RYR3: variants seen among roughly 807,000 people sequenced by gnomAD.
The protein encoded by RYR3 is ryanodine receptor 3, also known as brain ryanodine receptor-calcium release channel.
In RYR3, 207 loss-of-function variants were observed where a neutral mutation model predicts 584.3. The observed-to-expected ratio is 0.35, with a 90% confidence interval of 0.32 to 0.40. The LOEUF is 0.40. RYR3 is among the 10% of genes least tolerant of loss of function. RYR3 has a pLI of 1.00. For missense variants in RYR3, 5,616 were observed against 6,089.2 expected, an observed-to-expected ratio of 0.92 and a Z score of 2.59; for synonymous variants, 2,416 against 2,248.5, an observed-to-expected ratio of 1.07 and a Z score of -2.11.
At chr15:33,450,527 C>T (rs1441358859) in intron 1 of RYR3, among the ~76,000 whole-genome samples, 1 of 152,016 alleles carries the variant, frequency 6.6e-6, no homozygotes, top group Non-Finnish European at 1.5e-5. Context: ...CTGTTTGGAG[C>T]AGAGTGACGT....
At chr15:33,832,091 C>T (rs571851559) in intron 86 of RYR3, among the ~76,000 whole-genome samples, 2 of 151,944 alleles carry the variant, frequency 1.3e-5, no homozygotes, top group East Asian at 3.9e-4. Context: ...CTCAGGAGTT[C>T]GAGACCAACC....
chr15:33,507,602 C>T (rs1044510982), intron 3 of RYR3, among the ~76,000 whole-genome samples: 3 of 152,296 alleles, frequency 2.0e-5, no homozygotes, highest in Middle Eastern at 3.4e-3. Flanking sequence ...GTCTACCAAC[C>T]TTCAGCAGGA....
chr15:33,810,841 C>A, intron 71 of RYR3, 137 bp from the exon 72 acceptor site: 1 of 1,078,372 alleles, frequency 9.3e-7, no homozygotes, highest in Non-Finnish European at 1.4e-6. Context: ...TGGGACAAAT[C>A]TCCGGAATAT....
chr15:33,513,048 A>G (rs76900257), intron 3 of RYR3, among the ~76,000 whole-genome samples: 3,525 of 152,328 alleles, frequency 0.023, 50 homozygotes, highest in Non-Finnish European at 0.036. Flanking sequence ...ATTGTACAAT[A>G]TTTGAATTTT....
In RYR3 at chr15:33,550,468, TTTGAA is replaced by T. The variant is rs371444921; in HGVS notation, c.972+157_972+161del. Among the ~76,000 whole-genome samples the T allele has an allele frequency of 3.9e-3, 592 of 152,346 alleles. 5 individuals carry two copies. Among genetic ancestry groups the T allele is most frequent in the African/African-American group, 0.014 (563 of 41,574 alleles). On this transcript the variant is annotated intron_variant, in intron 10 of 103. Coordinates refer to ENST00000634891, the MANE Select transcript of RYR3 (RefSeq NM_001036.6). ...AGATAAACACTTTCTTCTTTTATCT[TTTGAA>T]TTGAGTTCATGGAGGAATATGTACC...
At chr15:33,516,045 A>C (rs1216533185) in intron 3 of RYR3, among the ~76,000 whole-genome samples, 2 of 152,146 alleles carry the variant, frequency 1.3e-5, no homozygotes, top group Non-Finnish European at 2.9e-5. Flanking sequence ...ACTAAGATAA[A>C]ATTCTAACAA....
rs547886447 is a variant in RYR3, at chr15:33,447,252, C to G, written c.52-26167C>G. 1.4e-4 allele frequency among the ~76,000 whole-genome samples: 21 copies of G among 152,228 alleles called. No homozygotes were observed. In the East Asian group the frequency reaches 4.1e-3, roughly 29 times the overall value. On this transcript the variant is annotated intron_variant, in intron 1 of 103. Transcript: ENST00000634891. The stretch of plus-strand genomic sequence containing the variant: ...AACTTGGTATTCATGATGATAAATT[C>G]CTGTACTCTAATTACCTTCACACAG...
chr15:33,636,564 C>A lies in RYR3; in HGVS notation c.3556+14C>A, dbSNP rs1333872111. The A allele has an allele frequency of 6.4e-7, 1 of 1,559,300 alleles. No homozygotes were observed. The highest frequency in any genetic ancestry group is 8.7e-7 in the Non-Finnish European group (1 of 1,155,558). On this transcript the variant is annotated intron_variant, in intron 27 of 103. Coordinates refer to ENST00000634891, the MANE Select transcript of RYR3 (RefSeq NM_001036.6). ...AGATTGAGAATGGTAAATCTAACAC[C>A]CTCTGCCAACCCCAGCTCCATGAGG...
rs899131965 is a variant in RYR3, at chr15:33,807,817, T to C, written c.10026+248T>C. 8 of 548,650 alleles carry C rather than the reference T, an allele frequency of 1.5e-5. No homozygotes were observed. In the Admixed American group the frequency reaches 1.9e-4, roughly 13 times the overall value. 34.0% of individuals were successfully genotyped at this position (548,650 alleles called of 1,614,324 possible). A position where few individuals can be genotyped will look rare whatever the true frequency, so the allele number is the denominator to read the frequency against. On this transcript the variant is annotated intron_variant, in intron 70 of 103. Coordinates refer to ENST00000634891, the MANE Select transcript of RYR3 (RefSeq NM_001036.6). ...CTAACCGAGGTCTCCTTGCTATCTC[T>C]GCTCCCTTCTCCAGCTGCCCTCTCG...
intron 2 of RYR3, among the ~76,000 whole-genome samples, chr15:33,492,998 G>C (rs899149277): frequency 1.3e-5 from 2 of 152,170 alleles, no homozygotes; most frequent in Non-Finnish European, 2.9e-5. Flanking sequence ...TCCAGAGGGA[G>C]GAGGGTGTAA....
At chr15:33,765,632 C>CAAAAAGAA (rs2072972359) in intron 60 of RYR3, among the ~76,000 whole-genome samples, 1 of 60,952 alleles carries the variant, frequency 1.6e-5, no homozygotes, top group African/African-American at 5.3e-5. Flanking sequence ...GACTCCGTCT[C>CAAAAAGAA]AAAAAAAAAA....
At position 33,865,159 on chromosome 15, in the gene RYR3, A is replaced by G. The variant is rs1311596943; in HGVS notation, c.14546A>G (p.Glu4849Gly). ...TCTTATGTCTGGAAGATGTACCAAG[A>G]AAGGTGTTGGGATTTCTTCCCAGCC... is the stretch of plus-strand genomic sequence containing the variant. ...QESYVWKMYQ[E>G]RCWDFFPAGD... Residue 4849 changes from glutamate (E) to glycine (G), a missense_variant, in exon 104 of 104, where the codon GAA becomes GGA. Glu to Gly is a moderately conservative substitution (Grantham distance 98). Coordinates refer to ENST00000634891, the MANE Select transcript of RYR3 (RefSeq NM_001036.6). 1.9e-6 allele frequency: 3 copies of G among 1,613,628 alleles called. No individual in the cohort carries two copies. The highest frequency in any genetic ancestry group is 1.7e-6 in the Non-Finnish European group (2 of 1,179,740).
intron 10 of RYR3, among the ~76,000 whole-genome samples, chr15:33,550,535 G>A (rs1567513185): frequency 6.6e-6 from 1 of 152,222 alleles, no homozygotes; most frequent in African/African-American, 2.4e-5. Flanking sequence ...AAAGGAGAGT[G>A]TGGAAAGTCC....
At chr15:33,676,844 A>T (rs572035899) in intron 38 of RYR3, among the ~76,000 whole-genome samples, 10 of 152,336 alleles carry the variant, frequency 6.6e-5, no homozygotes, top group African/African-American at 2.4e-4. Context: ...ATCGATGCTT[A>T]AAAAGTATTC....
intron 1 of RYR3, among the ~76,000 whole-genome samples, chr15:33,438,870 T>G (rs935002578): frequency 2.0e-5 from 3 of 152,164 alleles, no homozygotes; most frequent in African/African-American, 7.2e-5. Context: ...AAAACAGTAA[T>G]CTACACTTTA....
intron 77 of RYR3, among the ~76,000 whole-genome samples, chr15:33,820,056 C>G (rs2077030815): frequency 6.6e-6 from 1 of 152,182 alleles, no homozygotes. Context: ...ATTTCTAAAG[C>G]CAGCTAAATG....
At chr15:33,800,361 A>C (rs1379167783) in intron 67 of RYR3, among the ~76,000 whole-genome samples, 3 of 152,212 alleles carry the variant, frequency 2.0e-5, no homozygotes, top group African/African-American at 7.2e-5. Flanking sequence ...TAGATGTCTT[A>C]GTGACCAAGA....
chr15:33,830,766 C>G (rs778464239), intron 85 of RYR3, 197 bp from the exon 86 acceptor site: 6 of 465,432 alleles, frequency 1.3e-5, no homozygotes, highest in Non-Finnish European at 7.5e-6. Flanking sequence ...CCTATCTATT[C>G]TTTCCTCTGC....
In RYR3 at chr15:33,376,226, CT is replaced by C. The variant is rs1302675252; in HGVS notation, c.51+65136del. 2.0e-5 allele frequency among the ~76,000 whole-genome samples: 3 copies of C among 152,146 alleles called. No homozygotes were observed. In the East Asian group the frequency reaches 5.8e-4, roughly 29 times the overall value. ...TATAGATGGATTAGTACCATATATA[CT>C]TTTTTGTGTCTGGCTTCTTTCCCTC... On this transcript the variant is annotated intron_variant, in intron 1 of 103. Coordinates refer to ENST00000634891, the MANE Select transcript of RYR3 (RefSeq NM_001036.6).
Sources: allele counts gnomAD v4.1 joint callset (sites outside exome capture counted in the v4.1 genomes callset), GRCh38; gene constraint gnomAD v4.1.1; transcripts MANE v1.5; gene names NCBI Gene and HGNC (gene_info 2026-07-23, HGNC 2026-07-21).